The following CTTNBP2 variants were observed in gnomAD, a reference collection of about 807,000 sequenced individuals.
CTTNBP2 encodes cortactin binding protein 2.
A neutral mutation model predicts 156.9 loss-of-function variants in CTTNBP2; 108 were observed. That is an observed-to-expected ratio of 0.69 (90% CI 0.59 to 0.81). The LOEUF (loss-of-function observed/expected upper bound fraction) is 0.81, where lower values mean the gene tolerates loss of function less well. CTTNBP2 is among the 30% of genes least tolerant of loss of function. CTTNBP2 has a pLI of 0.00. For missense variants in CTTNBP2, 1,924 were observed against 2,035.4 expected, an observed-to-expected ratio of 0.95 and a Z score of 1.05; for synonymous variants, 767 against 751.8, an observed-to-expected ratio of 1.02 and a Z score of -0.33.
At chr7:117,784,644 T>G (rs1169253806) in intron 4 of CTTNBP2, among the ~76,000 whole-genome samples, 190 bp from the exon 5 acceptor site, 1 of 152,230 alleles carries the variant, frequency 6.6e-6, no homozygotes, top group Admixed American at 6.5e-5. Context: ...AGATCTTACA[T>G]CTGCTGCTAA....
At chr7:117,837,216 C>T (rs1340524221) in intron 2 of CTTNBP2, among the ~76,000 whole-genome samples, 1 of 152,164 alleles carries the variant, frequency 6.6e-6, no homozygotes, top group Non-Finnish European at 1.5e-5. Flanking sequence ...GGTATTCTGT[C>T]ACTTGCAACC....
intron 6 of CTTNBP2, among the ~76,000 whole-genome samples, chr7:117,781,509 G>T (rs569545647): frequency 3.3e-5 from 5 of 152,318 alleles, no homozygotes; most frequent in African/African-American, 9.6e-5. Flanking sequence ...GGGAGGCTGA[G>T]GGGGACAGAT....
At chr7:117,832,249 C>T (rs1353107784) in intron 2 of CTTNBP2, among the ~76,000 whole-genome samples, 1 of 152,028 alleles carries the variant, frequency 6.6e-6, no homozygotes, top group African/African-American at 2.4e-5. Flanking sequence ...CATCTTTAAC[C>T]CCTCCTCTCC....
intron 6 of CTTNBP2, 110 bp downstream of exon 6, chr7:117,782,752 C>T (rs1269668530): frequency 3.3e-5 from 21 of 644,248 alleles, no homozygotes; most frequent in South Asian, 1.2e-4. Context: ...ATTTATTTGC[C>T]AGTGATTTTA....
intron 1 of CTTNBP2, chr7:117,871,965 T>C (rs987302034): frequency 1.0e-6 from 1 of 985,344 alleles, no homozygotes; most frequent in Non-Finnish European, 1.2e-6. Context: ...CTTGTCTCAA[T>C]AGCTAGTTTC....
intron 2 of CTTNBP2, among the ~76,000 whole-genome samples, chr7:117,814,540 AC>A (rs1377805870): frequency 4.6e-5 from 7 of 152,024 alleles, no homozygotes. Flanking sequence ...ATCTTCCCAC[AC>A]CTCAGCTTCC....
At chr7:117,804,255 A>T (rs929912467) in intron 3 of CTTNBP2, among the ~76,000 whole-genome samples, 36 of 152,068 alleles carry the variant, frequency 2.4e-4, no homozygotes, top group Non-Finnish European at 1.5e-5. Context: ...GAGCCACTGC[A>T]CCCAACCAAG....
intron 11 of CTTNBP2, among the ~76,000 whole-genome samples, chr7:117,757,416 T>G (rs573468893): frequency 2.0e-5 from 3 of 150,694 alleles, no homozygotes; most frequent in African/African-American, 4.9e-5. Context: ...GAGAATTAAA[T>G]GATTTGATAC....
chr7:117,817,038 G>A (rs1162274329), intron 2 of CTTNBP2, among the ~76,000 whole-genome samples: 3 of 151,800 alleles, frequency 2.0e-5, no homozygotes, highest in Non-Finnish European at 4.4e-5. Context: ...CCACACTGAT[G>A]TATAAAAATA....
intron 8 of CTTNBP2, among the ~76,000 whole-genome samples, chr7:117,775,725 A>G (rs1336317867): frequency 6.6e-6 from 1 of 152,106 alleles, no homozygotes. Context: ...ACAACAGCAA[A>G]AGATTCATAG....
rs770008607 is a variant in CTTNBP2 at position 117,711,766 on chromosome 7, C to T, written c.4763G>A (p.Ser1588Asn). 1 of 1,612,514 alleles carries T rather than the reference C, an allele frequency of 6.2e-7. No individual in the cohort carries two copies. The highest frequency in any genetic ancestry group is 2.2e-5 in the East Asian group (1 of 44,836). Residue 1588 changes from serine (S) to asparagine (N), a missense_variant, in exon 23 of 23, where the codon AGC becomes AAC. Transcript: ENST00000160373. Reference protein sequence around the residue: ...PVSQKEVSPLSSHQTTECSNS... With the variant: ...PVSQKEVSPLNSHQTTECSNS... ...GCTGCATTCAGTAGTTTGATGGCTG[C>T]TGAGAGGACTGACCTCCTGTAAGAG... is the stretch of plus-strand genomic sequence containing the variant.
chr7:117,735,225 T>C (rs1219312781), intron 15 of CTTNBP2, 44 bp downstream of exon 15: 1 of 1,601,086 alleles, frequency 6.2e-7, no homozygotes. Flanking sequence ...GATTAGAATA[T>C]TACAGAAGCT....
intron 3 of CTTNBP2, among the ~76,000 whole-genome samples, chr7:117,802,437 CAAAA>C (rs759797673): frequency 1.2e-5 from 1 of 83,736 alleles, no homozygotes; most frequent in Non-Finnish European, 2.9e-5. Context: ...TCAGCATTGG[CAAAA>C]AAAAAAAAAA....
intron 2 of CTTNBP2, among the ~76,000 whole-genome samples, chr7:117,839,810 A>C (rs1010728995): frequency 6.6e-6 from 1 of 152,124 alleles, no homozygotes; most frequent in Non-Finnish European, 1.5e-5. Context: ...GGCATAATCC[A>C]CCTTTACTCC....
chr7:117,873,375 C>A lies in CTTNBP2; in HGVS notation c.41G>T (p.Arg14Leu). The A allele has an allele frequency of 6.7e-7, 1 of 1,482,692 alleles. No individual in the cohort carries two copies. The highest frequency in any genetic ancestry group is 8.9e-7 in the Non-Finnish European group (1 of 1,123,010). 91.8% of individuals were successfully genotyped at this position (1,482,692 alleles called of 1,614,324 possible). ...DGASCEPDLS[R>L]APEDAAGAAA... ...GGCCCCCGCCGCGTCCTCCGGGGCC[C>A]GGGACAAGTCGGGCTCGCAGCTCGC... The change falls in exon 1 of 23, where the codon CGG becomes CTG. Residue 14 changes from arginine (R) to leucine (L), a missense_variant. Arg to Leu is a moderately radical substitution (Grantham distance 102, BLOSUM62 -2). Transcript: ENST00000160373.
chr7:117,868,001 C>A (rs1804326897), intron 1 of CTTNBP2, among the ~76,000 whole-genome samples: 1 of 152,192 alleles, frequency 6.6e-6, no homozygotes, highest in South Asian at 2.1e-4. Context: ...GTGACAGCCT[C>A]TGATAATTAA....
chr7:117,757,965 C>A lies in CTTNBP2; in HGVS notation c.3178G>T (p.Val1060Leu). 1 of 1,611,640 alleles carries A rather than the reference C, an allele frequency of 6.2e-7. No homozygotes were observed. Among genetic ancestry groups the A allele is most frequent in the Non-Finnish European group, 8.5e-7 (1 of 1,179,006 alleles). Residue 1060 changes from valine to leucine, a missense_variant, in exon 11 of 23, where the codon GTG becomes TTG. Val to Leu is a conservative substitution (Grantham distance 32). Coordinates refer to ENST00000160373, the MANE Select transcript of CTTNBP2 (RefSeq NM_033427.3). ...RSIRSITLGN[V>L]PWSVGQSFAQ... ...AAGCTCTGACCCACTGACCACGGCA[C>A]ATTTCCTAGTTTCAAAAAATGAAAT...
Position 117,791,302 on chromosome 7 carries a change from C to T in CTTNBP2, c.1894G>A (p.Ala632Thr). The change falls in exon 4 of 23, where the codon GCC (alanine) becomes ACC (threonine). Residue 632 changes from alanine to threonine, a missense_variant. Coordinates refer to ENST00000160373, the MANE Select transcript of CTTNBP2 (RefSeq NM_033427.3). ...GGCCAGGCACCCACCTGAGACGTGG[C>T]CAGGGCTGAAACGGCACAGCCTGCA... ...APAGCAVSAL[A>T]TSQVGAWPAA... 6.2e-7 allele frequency: 1 copy of T among 1,614,098 alleles called. No homozygotes were observed. The highest frequency in any genetic ancestry group is 1.3e-5 in the African/African-American group (1 of 75,020).
chr7:117,762,440 A>G (rs951996749), intron 9 of CTTNBP2, among the ~76,000 whole-genome samples: 5 of 152,196 alleles, frequency 3.3e-5, no homozygotes, highest in Non-Finnish European at 5.9e-5. Context: ...CAGACTGAAC[A>G]CCTTGAATTA....
Sources: gnomAD v4.1 joint callset for allele counts (sites outside exome capture counted in the v4.1 genomes callset) on GRCh38, gnomAD v4.1.1 for gene constraint, MANE v1.5 for transcripts, NCBI Gene and HGNC (gene_info 2026-07-23, HGNC 2026-07-21) for gene names.